The following MED13 variants were observed in gnomAD, a reference collection of about 807,000 sequenced individuals.
MED13 encodes mediator of RNA polymerase II transcription subunit 13.
A neutral mutation model predicts 225.2 loss-of-function variants in MED13; 23 were observed. That is an observed-to-expected ratio of 0.10 (90% CI 0.07 to 0.14). The LOEUF (loss-of-function observed/expected upper bound fraction) is 0.14, where lower values mean the gene tolerates loss of function less well. Among genes scored for constraint, MED13 ranks in the 10% least tolerant of loss-of-function variants. MED13 has a pLI of 1.00. For missense variants in MED13, 2,197 were observed against 2,594.5 expected (o/e 0.85, Z 3.33); for synonymous variants, 942 against 889.2 (o/e 1.06, Z -1.06).
chr17:62,050,794 A>C (rs2080950229), intron 3 of MED13, among the ~76,000 whole-genome samples: 2 of 152,316 alleles, frequency 1.3e-5, no homozygotes, highest in South Asian at 4.1e-4. Flanking sequence ...GCCTGAGCTC[A>C]GGAGTTCAAG....
intron 2 of MED13, among the ~76,000 whole-genome samples, chr17:62,060,575 TCCACTGCACTCAGAGAGCGAGATCACG>T (rs1293899381): frequency 2.2e-5 from 3 of 137,928 alleles, no homozygotes; most frequent in Non-Finnish European, 4.6e-5. Flanking sequence ...GCAAGCAAGC[TCCACTGCACTCAGAGAGCGAGATCACG>T]CCACTGCACT....
At chr17:62,047,912 T>C (rs1173832726) in intron 3 of MED13, among the ~76,000 whole-genome samples, 1 of 151,348 alleles carries the variant, frequency 6.6e-6, no homozygotes, top group Non-Finnish European at 1.5e-5. Flanking sequence ...TTAAGAGTTT[T>C]TCATAAAGAA....
At chr17:61,959,988 A>C (rs1344640371) in intron 23 of MED13, among the ~76,000 whole-genome samples, 2 of 152,010 alleles carry the variant, frequency 1.3e-5, no homozygotes, top group Admixed American at 1.3e-4. Flanking sequence ...CAGCCTCCCA[A>C]AGTGCTGGGA....
rs868459281 is a variant in MED13 at position 61,985,212 on chromosome 17, G to C, written c.2386-122C>G. 4.1e-6 allele frequency: 3 copies of C among 732,622 alleles called. No homozygotes were observed. The African/African-American group carries it at 5.3e-5, about 13-fold the overall frequency. 45.4% of individuals were successfully genotyped at this position (732,622 alleles called of 1,614,324 possible). On this transcript the variant is annotated intron_variant, in intron 12 of 29. Transcript: ENST00000397786. ...ATTAAAAGTAGTATTTTGAATCTGT[G>C]ATACAGCCAAATACATACTAGTGTT...
At chr17:62,021,039 A>G (rs2143638540) in intron 8 of MED13, among the ~76,000 whole-genome samples, 1 of 150,802 alleles carries the variant, frequency 6.6e-6, no homozygotes, top group Admixed American at 6.6e-5. Context: ...ACAAGGCAGA[A>G]GAATTTTTCT....
At chr17:61,973,801 G>C (rs191643010) in intron 16 of MED13, among the ~76,000 whole-genome samples, 1 of 152,238 alleles carries the variant, frequency 6.6e-6, no homozygotes, top group East Asian at 1.9e-4. Flanking sequence ...GGCCAACACA[G>C]TGAAACCCTG....
At chr17:62,050,770 G>C (rs866573594) in intron 3 of MED13, among the ~76,000 whole-genome samples, 1 of 152,154 alleles carries the variant, frequency 6.6e-6, no homozygotes, top group African/African-American at 2.4e-5. Context: ...TTAGGAGGCC[G>C]AGGCGGGTGG....
chr17:61,983,302 T>C (rs547036214), intron 15 of MED13, among the ~76,000 whole-genome samples, 188 bp from the exon 16 acceptor site: 28 of 152,310 alleles, frequency 1.8e-4, no homozygotes, highest in African/African-American at 6.7e-4. Context: ...TAAGTGATTG[T>C]TGTTGACTAA....
chr17:61,972,020 A>C (rs1341460918), intron 17 of MED13, among the ~76,000 whole-genome samples: 1 of 152,210 alleles, frequency 6.6e-6, no homozygotes, highest in Non-Finnish European at 1.5e-5. Flanking sequence ...TTTTGTAATG[A>C]GATTTAAATT....
intron 9 of MED13, chr17:62,006,025 TGA>T (rs982937367): frequency 2.0e-5 from 3 of 151,948 alleles, no homozygotes; most frequent in African/African-American, 4.8e-5. Flanking sequence ...GTAGGAAAAA[TGA>T]GAGAGAGGCT....
chr17:61,968,098 T>C lies in MED13; in HGVS notation c.4128A>G (p.Pro1376=), dbSNP rs1375722059. The C allele has an allele frequency of 2.5e-6, 4 of 1,613,976 alleles. No individual in the cohort carries two copies. Among genetic ancestry groups the C allele is most frequent in the African/African-American group, 1.3e-5 (1 of 74,924 alleles). The part of the protein sequence containing the change: ...QRDIAYVVLC[P]ENEALLNGAK... ...CTCCATTTAACAAGGCTTCATTTTCTGGACACAGTACAACATAGGCTATAT... is the reference window on the plus strand; with the variant it reads ...CTCCATTTAACAAGGCTTCATTTTCCGGACACAGTACAACATAGGCTATAT... The change falls in exon 18 of 30, where the codon CCA becomes CCG. Residue 1376 remains proline (P), a synonymous_variant. Transcript: ENST00000397786.
chr17:62,013,176 G>A lies in MED13; in HGVS notation c.1284-1943C>T, dbSNP rs78964200. On this transcript the variant is annotated intron_variant, in intron 8 of 29. Transcript: ENST00000397786. The stretch of plus-strand genomic sequence containing the variant: ...AAAGTTATCAAAAAAAACCAAACTC[G>A]TTTCAAAAGGACATAGGAGAAATCC... Among the ~76,000 whole-genome samples the A allele has an allele frequency of 4.0e-5, 6 of 151,800 alleles. No homozygotes were observed. In the East Asian group the frequency reaches 7.7e-4, roughly 20 times the overall value.
rs138766630 is a variant in MED13, at chr17:62,039,893, C to T, written c.471-4285G>A. Among the ~76,000 whole-genome samples, 80 of 151,996 alleles carry T rather than the reference C, an allele frequency of 5.3e-4. 1 individual carries two copies. Among genetic ancestry groups the T allele is most frequent in the African/African-American group, 1.3e-3 (55 of 41,458 alleles). On this transcript the variant is annotated intron_variant, in intron 3 of 29. Coordinates refer to ENST00000397786, the MANE Select transcript of MED13 (RefSeq NM_005121.3). The stretch of plus-strand genomic sequence containing the variant: ...GAATTACAGGCGTGAGCCACTGTGC[C>T]GGCCTGAAATTTTTTTTAAGAGATG...
chr17:61,982,718 G>A lies in MED13; in HGVS notation c.3285C>T (p.Ile1095=). 6.2e-7 allele frequency: 1 copy of A among 1,614,144 alleles called. No individual in the cohort carries two copies. The highest frequency in any genetic ancestry group is 8.5e-7 in the Non-Finnish European group (1 of 1,180,022). Residue 1095 remains isoleucine, a synonymous_variant, in exon 16 of 30, where the codon ATC becomes ATT. Coordinates refer to ENST00000397786, the MANE Select transcript of MED13 (RefSeq NM_005121.3). ...FKDCNFDSCC[I]CVCNMNIKGA... ...CCTTGATGTTCATGTTGCAAACACAGATGCAACAACTATCAAAGTTACAGT... is the reference window on the plus strand; with the variant it reads ...CCTTGATGTTCATGTTGCAAACACAAATGCAACAACTATCAAAGTTACAGT...
At chr17:62,011,340 G>T in intron 8 of MED13, 107 bp from the exon 9 acceptor site, 2 of 937,210 alleles carry the variant, frequency 2.1e-6, no homozygotes, top group Non-Finnish European at 3.0e-6. Context: ...TTTTTCACAT[G>T]TAATACTAAA....
chr17:61,990,634 T>TATATATATATATATATATAC (rs1393284962), intron 11 of MED13, among the ~76,000 whole-genome samples: 1 of 146,172 alleles, frequency 6.8e-6, no homozygotes, highest in Non-Finnish European at 1.5e-5. Flanking sequence ...TGTGTATATA[T>TATATATATATATATATATAC]ATATATATAT....
At chr17:62,046,852 A>G (rs1413399284) in intron 3 of MED13, among the ~76,000 whole-genome samples, 4 of 151,706 alleles carry the variant, frequency 2.6e-5, no homozygotes, top group Non-Finnish European at 5.9e-5. Flanking sequence ...AAAAAAAGTT[A>G]TAATTTCAAT....
chr17:61,947,794 CTCCAATTAAATGAG>C (rs956986275), intron 28 of MED13, among the ~76,000 whole-genome samples: 6 of 152,154 alleles, frequency 3.9e-5, no homozygotes, highest in African/African-American at 1.4e-4. Context: ...CTACTCCACA[CTCCAATTAAATGAG>C]TCATTTTTTT....
At chr17:62,059,209 G>A (rs1367706769) in intron 2 of MED13, among the ~76,000 whole-genome samples, 1 of 152,068 alleles carries the variant, frequency 6.6e-6, no homozygotes, top group Non-Finnish European at 1.5e-5. Flanking sequence ...TAATAATAAA[G>A]TATCAATATT....
Sources: gnomAD v4.1 joint callset for allele counts (sites outside exome capture counted in the v4.1 genomes callset) on GRCh38, gnomAD v4.1.1 for gene constraint, MANE v1.5 for transcripts, NCBI Gene and HGNC (gene_info 2026-07-23, HGNC 2026-07-21) for gene names.